The following BCAR3 variants were observed in gnomAD, a reference collection of about 807,000 sequenced individuals.
BCAR3 encodes the protein breast cancer anti-estrogen resistance protein 3.
A neutral mutation model predicts 80.1 loss-of-function variants in BCAR3; 37 were observed. The observed-to-expected ratio is 0.46, with a 90% CI of 0.36 to 0.61. The LOEUF (loss-of-function observed/expected upper bound fraction) is 0.61. Ranked by LOEUF, BCAR3 falls within the 20% of genes least tolerant of loss-of-function variation. The probability of loss-of-function intolerance (pLI) is 0.00; values close to 1 mark genes in which losing one functional copy is unlikely to be tolerated. For missense variants in BCAR3, 978 were observed against 1,068.2 expected, an observed-to-expected ratio of 0.92 and a Z score of 1.18; for synonymous variants, 389 against 418.9, an observed-to-expected ratio of 0.93 and a Z score of 0.87.
In BCAR3 at chr1:93,674,908, C is replaced by T. The variant is rs779717505; in HGVS notation, c.23G>A (p.Ser8Asn). 9.6e-6 allele frequency: 15 copies of T among 1,558,994 alleles called. No individual in the cohort carries two copies. Among genetic ancestry groups the T allele is most frequent in the African/African-American group, 1.4e-5 (1 of 71,764 alleles). ...ATTCACCGGCATGTTTCTGGGAAGG[C>T]TTGCAAATTTTCCTGCAGCCATAAT... MAAGKFA[S>N]LPRNMPVNHQ... Residue 8 changes from serine (S) to asparagine (N), a missense_variant, in exon 2 of 12, where the codon AGC becomes AAC. By Grantham distance (46) the Ser-to-Asn change is conservative. Coordinates refer to ENST00000260502, the MANE Select transcript of BCAR3 (RefSeq NM_003567.4).
At chr1:93,709,290 G>A (rs1475176361) in intron 2 of BCAR3, among the ~76,000 whole-genome samples, 1 of 152,204 alleles carries the variant, frequency 6.6e-6, no homozygotes, top group East Asian at 1.9e-4. Context: ...ACCCTGAGTT[G>A]GAGAGGTGAC....
At chr1:93,606,512 G>A (rs1674776005) in intron 3 of BCAR3, among the ~76,000 whole-genome samples, 1 of 152,162 alleles carries the variant, frequency 6.6e-6, no homozygotes, top group South Asian at 2.1e-4. Flanking sequence ...CCAGAAAGAT[G>A]ACTGAGCCAC....
chr1:93,837,984 T>G (rs1654828045), intron 2 of BCAR3, among the ~76,000 whole-genome samples: 1 of 152,200 alleles, frequency 6.6e-6, no homozygotes, highest in Non-Finnish European at 1.5e-5. Context: ...TAGGACAGTA[T>G]CTACAGGGTC....
chr1:93,567,463 T>TA lies in BCAR3; in HGVS notation c.2114dup (p.Ser706IlefsTer20). 3.1e-6 allele frequency: 5 copies of TA among 1,614,258 alleles called. No homozygotes were observed. Among genetic ancestry groups the TA allele is most frequent in the Non-Finnish European group, 4.2e-6 (5 of 1,180,038 alleles). ...CAAGCGGCATCAGCAGTGGGACTGA[T>TA]ACATTGTTTGGGGGAACACATGTGG... On this transcript the variant is annotated frameshift_variant, in exon 11 of 12. Transcript: ENST00000260502. LOFTEE classifies it high-confidence loss of function.
chr1:93,652,588 C>G (rs943811609), intron 2 of BCAR3, among the ~76,000 whole-genome samples: 53 of 152,028 alleles, frequency 3.5e-4, no homozygotes, highest in African/African-American at 1.2e-3. Context: ...TTCTCTAAGA[C>G]AGATCACTAG....
At chr1:93,584,534 A>T (rs934789512) in intron 5 of BCAR3, among the ~76,000 whole-genome samples, 5 of 152,220 alleles carry the variant, frequency 3.3e-5, no homozygotes, top group African/African-American at 9.7e-5. Context: ...CATTTTCCAC[A>T]TGCTCCATAG....
At chr1:93,676,190 T>C (rs994900354) in intron 1 of BCAR3, among the ~76,000 whole-genome samples, 2 of 152,138 alleles carry the variant, frequency 1.3e-5, no homozygotes, top group South Asian at 2.1e-4. Context: ...TTAATAGCAC[T>C]ACTGCAGAGT....
chr1:93,641,011 C>A (rs1180674718), intron 3 of BCAR3, among the ~76,000 whole-genome samples: 1 of 152,164 alleles, frequency 6.6e-6, no homozygotes, highest in Non-Finnish European at 1.5e-5. Context: ...CAATGCACAA[C>A]CTGCACAAAA....
At chr1:93,767,666 G>T (rs945732603) in intron 2 of BCAR3, among the ~76,000 whole-genome samples, 5 of 152,160 alleles carry the variant, frequency 3.3e-5, no homozygotes, top group Admixed American at 2.6e-4. Context: ...GCTCTTTGAG[G>T]CTGAAGGAAA....
At chr1:93,569,748 GT>G (rs150081898) in intron 9 of BCAR3, among the ~76,000 whole-genome samples, 62,940 of 151,866 alleles carry the variant, frequency 0.41, 15,402 homozygotes, top group Middle Eastern at 0.54. Context: ...GGCTGACACT[GT>G]TAGAAGGCAG....
intron 2 of BCAR3, among the ~76,000 whole-genome samples, chr1:93,771,203 T>C (rs1026138861): frequency 1.3e-5 from 2 of 152,194 alleles, no homozygotes; most frequent in Non-Finnish European, 2.9e-5. Context: ...AACTGAGAGA[T>C]GCTGAAATAG....
intron 3 of BCAR3, among the ~76,000 whole-genome samples, chr1:93,636,520 C>CA (rs560223740): frequency 7.6e-4 from 110 of 144,738 alleles, no homozygotes; most frequent in African/African-American, 2.6e-3. Flanking sequence ...AGCCTGGCCA[C>CA]AAAAAAACAC....
chr1:93,678,725 T>C (rs1648611371), intron 1 of BCAR3, among the ~76,000 whole-genome samples: 1 of 152,062 alleles, frequency 6.6e-6, no homozygotes, highest in African/African-American at 2.4e-5. Flanking sequence ...TACTTTACAT[T>C]AGGGTGGACT....
rs1654328813 is a variant in BCAR3, at chr1:93,824,913, T to C, written c.-63+20654A>G. On this transcript the variant is annotated intron_variant, in intron 2 of 13. Coordinates refer to the BCAR3 transcript ENST00000370244. Reference sequence around the variant, plus strand: ...GGGGACCATCCCTCTCCACGGAATATCCAAGCCATCCCAAGAAAGAGTCTG... The same window carrying C: ...GGGGACCATCCCTCTCCACGGAATACCCAAGCCATCCCAAGAAAGAGTCTG... Among the ~76,000 whole-genome samples, 2 of 132,858 alleles carry C rather than the reference T, an allele frequency of 1.5e-5. 1 individual carries two copies. Among genetic ancestry groups the C allele is most frequent in the Non-Finnish European group, 3.4e-5 (2 of 59,348 alleles). The allele number at this position is 132,858 out of a possible 152,430, so 87.2% of individuals were successfully genotyped here. A position where few individuals can be genotyped will look rare whatever the true frequency, so the allele number is the denominator to read the frequency against.
intron 2 of BCAR3, among the ~76,000 whole-genome samples, chr1:93,768,461 G>A (rs967707025): frequency 2.6e-5 from 4 of 152,152 alleles, no homozygotes; most frequent in African/African-American, 7.2e-5. Flanking sequence ...GGCACTAGCC[G>A]CTCAGCTGAG....
At chr1:93,702,665 AG>A (rs1353159505) in intron 3 of BCAR3, among the ~76,000 whole-genome samples, 1 of 152,190 alleles carries the variant, frequency 6.6e-6, no homozygotes, top group Non-Finnish European at 1.5e-5. Context: ...TTAAGACAGG[AG>A]GTCAGATAAC....
chr1:93,592,111 A>T lies in BCAR3; in HGVS notation c.486+154T>A. ...TCAGCTCTTCCCAAGGTCTTCTTAG[A>T]GAAGGGTCTAAATGAAGTCATTTTT... On this transcript the variant is annotated intron_variant, in intron 4 of 11. Coordinates refer to ENST00000260502, the MANE Select transcript of BCAR3 (RefSeq NM_003567.4). The surrounding 1 kb of genome is among the most constrained non-coding windows in gnomAD (Gnocchi z 4.8). 1 of 1,074,566 alleles carries T rather than the reference A, an allele frequency of 9.3e-7. No individual in the cohort carries two copies. Among genetic ancestry groups the T allele is most frequent in the Non-Finnish European group, 1.3e-6 (1 of 771,454 alleles). 66.6% of individuals were successfully genotyped at this position (1,074,566 alleles called of 1,614,324 possible). A position where few individuals can be genotyped will look rare whatever the true frequency, so the allele number is the denominator to read the frequency against.
intron 3 of BCAR3, chr1:93,599,446 C>CTGACCCA (rs1456772917): frequency 6.6e-6 from 1 of 152,208 alleles, no homozygotes; most frequent in Non-Finnish European, 1.5e-5. Flanking sequence ...GACCCAGAAA[C>CTGACCCA]GCAGGGACTG....
At chr1:93,746,129 G>T (rs1651350123) in intron 2 of BCAR3, among the ~76,000 whole-genome samples, 1 of 152,204 alleles carries the variant, frequency 6.6e-6, no homozygotes, top group Admixed American at 6.5e-5. Context: ...CTGTGGATCA[G>T]CTCAGGGATT....
Sources: gnomAD v4.1 joint callset for allele counts (sites outside exome capture counted in the v4.1 genomes callset) on GRCh38, gnomAD v4.1.1 for gene constraint, Gnocchi (gnomAD v3.1) non-coding constraint, MANE v1.5 for transcripts, NCBI Gene and HGNC (gene_info 2026-07-23, HGNC 2026-07-21) for gene names.